Variants in LRRC37A2 observed in about 807,000 individuals in gnomAD.
LRRC37A2 encodes leucine rich repeat containing 37 member A2, also known as leucine-rich repeat-containing protein 37A2.
In LRRC37A2, 9 loss-of-function variants were observed where a neutral mutation model predicts 68.8. That is an observed-to-expected ratio of 0.13 (90% CI 0.08 to 0.23). LRRC37A2 has a LOEUF of 0.23. Ranked by LOEUF, LRRC37A2 falls within the 10% of genes least tolerant of loss-of-function variation. LRRC37A2 has a pLI of 1.00. For synonymous variants in LRRC37A2, 63 were observed against 367.6 expected, an observed-to-expected ratio of 0.17 and a Z score of 9.48; for missense variants, 168 against 950.4, an observed-to-expected ratio of 0.18 and a Z score of 10.82.
At chr17:46,620,315 CTT>C in the LRRC37A2 span, among the ~76,000 whole-genome samples, 2 of 9,116 alleles carry the variant, frequency 2.2e-4, no homozygotes, top group Non-Finnish European at 3.7e-4. Flanking sequence ...CTCTCGCTCT[CTT>C]TTTTTTTTTT....
At chr17:47,040,036 T>C in the LRRC37A2 span, among the ~76,000 whole-genome samples, 3 of 152,126 alleles carry the variant, frequency 2.0e-5, no homozygotes, top group Admixed American at 6.5e-5. Context: ...TATCTCTTTA[T>C]TGATATTCTC....
the LRRC37A2 span, among the ~76,000 whole-genome samples, chr17:46,792,624 C>A: frequency 1.3e-5 from 2 of 152,084 alleles, no homozygotes; most frequent in Non-Finnish European, 2.9e-5. Flanking sequence ...TAGGTGCATG[C>A]CACCACACCT....
At chr17:47,048,321 T>C in the LRRC37A2 span, among the ~76,000 whole-genome samples, 6 of 151,818 alleles carry the variant, frequency 4.0e-5, no homozygotes, top group African/African-American at 1.2e-4. Flanking sequence ...ACTGGCACAC[T>C]TGACCTTCAT....
chr17:46,709,271 A>G, the LRRC37A2 span, among the ~76,000 whole-genome samples: 6 of 152,166 alleles, frequency 3.9e-5, no homozygotes, highest in African/African-American at 1.4e-4. Context: ...TTTTTTAACA[A>G]CAAGTAATTT....
chr17:46,871,386 C>T, the LRRC37A2 span, among the ~76,000 whole-genome samples: 1 of 152,174 alleles, frequency 6.6e-6, no homozygotes, highest in African/African-American at 2.4e-5. Flanking sequence ...AGAGGGAAGA[C>T]GAACTCTAAT....
chr17:46,816,413 T>G, the LRRC37A2 span, among the ~76,000 whole-genome samples: 12 of 149,000 alleles, frequency 8.1e-5, no homozygotes. Flanking sequence ...CAAACACTTT[T>G]GCACACAGAG....
the LRRC37A2 span, among the ~76,000 whole-genome samples, chr17:46,784,970 G>A: frequency 1.3e-5 from 2 of 152,100 alleles, no homozygotes; most frequent in East Asian, 3.9e-4. Flanking sequence ...GTAGAGACGG[G>A]GTTTCACTGT....
chr17:46,940,824 T>C, the LRRC37A2 span: 1 of 1,465,198 alleles, frequency 6.8e-7, no homozygotes, highest in Admixed American at 2.2e-5. Context: ...CTGCGGCTGG[T>C]GGACAGCAGC....
At chr17:46,746,873 A>C in the LRRC37A2 span, among the ~76,000 whole-genome samples, 1 of 152,214 alleles carries the variant, frequency 6.6e-6, no homozygotes, top group Admixed American at 6.5e-5. Flanking sequence ...AAATTAATTG[A>C]GAGACTGATC....
rs529034746 is a variant in LRRC37A2 at position 46,529,041 on chromosome 17, C to T, written c.2906+5157C>T. Among the ~76,000 whole-genome samples, 4 of 73,300 alleles carry T rather than the reference C, an allele frequency of 5.5e-5. No homozygotes were observed. The East Asian group carries it at 8.8e-4, about 16-fold the overall frequency. 48.1% of individuals were successfully genotyped at this position (73,300 alleles called of 152,430 possible). ...AGTTTGTCATTTAAATTTATTTTCA[C>T]AGCCTGCTTTGGACATTTTTTCAGC... On this transcript the variant is annotated intron_variant, in intron 6 of 14. Transcript: ENST00000576629.
At chr17:46,768,854 C>A in the LRRC37A2 span, 1 of 1,587,610 alleles carries the variant, frequency 6.3e-7, no homozygotes, top group Non-Finnish European at 8.5e-7. The surrounding 1 kb of genome is among the most constrained non-coding windows in gnomAD (Gnocchi z 5.0). Context: ...GGGGGCACAT[C>A]CAGGCCTTCC....
chr17:46,558,792 C>G (rs999877125), downstream of LRRC37A2: 6 of 133,666 alleles, frequency 4.5e-5, no homozygotes, highest in African/African-American at 1.4e-4. Flanking sequence ...TTCTAACTCA[C>G]ACTCCCCTAT....
chr17:46,769,026 G>T, the LRRC37A2 span, among the ~76,000 whole-genome samples: 1 of 152,156 alleles, frequency 6.6e-6, no homozygotes, highest in Non-Finnish European at 1.5e-5. Flanking sequence ...TTCTCACAGC[G>T]CATGAAATAC....
At chr17:46,768,330 G>C in the LRRC37A2 span, 1 of 1,613,662 alleles carries the variant, frequency 6.2e-7, no homozygotes. The surrounding 1 kb of genome is among the most constrained non-coding windows in gnomAD (Gnocchi z 5.0). Context: ...CTACTTGCAG[G>C]TGTGCACGTC....
At chr17:46,779,097 A>AC in the LRRC37A2 span, among the ~76,000 whole-genome samples, 4 of 131,360 alleles carry the variant, frequency 3.0e-5, no homozygotes, top group East Asian at 2.7e-4. Flanking sequence ...ACACACACAC[A>AC]CACACACCCC....
At chr17:46,885,140 C>A in the LRRC37A2 span, 1 of 378,302 alleles carries the variant, frequency 2.6e-6, no homozygotes, top group Non-Finnish European at 5.2e-6. Context: ...AGGCATGCAC[C>A]ACCACGCCTG....
chr17:46,939,727 G>A, the LRRC37A2 span: 1 of 986,644 alleles, frequency 1.0e-6, no homozygotes, highest in Non-Finnish European at 1.2e-6. Context: ...GGAGACATCT[G>A]TAGTGTGTAT....
chr17:46,737,582 TG>T, the LRRC37A2 span, among the ~76,000 whole-genome samples: 1 of 151,562 alleles, frequency 6.6e-6, no homozygotes, highest in Non-Finnish European at 1.5e-5. Flanking sequence ...CGTGTGTGTG[TG>T]TGTGTGTGTG....
the LRRC37A2 span, among the ~76,000 whole-genome samples, chr17:46,891,880 T>G: frequency 6.6e-6 from 1 of 151,430 alleles, no homozygotes; most frequent in African/African-American, 2.4e-5. Flanking sequence ...TCCAAGTTCC[T>G]CCTTTTACTC....
Sources: gnomAD v4.1 joint callset for allele counts (sites outside exome capture counted in the v4.1 genomes callset) on GRCh38, gnomAD v4.1.1 for gene constraint, Gnocchi (gnomAD v3.1) non-coding constraint, MANE v1.5 for transcripts, NCBI Gene and HGNC (gene_info 2026-07-23, HGNC 2026-07-21) for gene names.